The following MACC1 variants were observed in gnomAD, a reference collection of about 807,000 sequenced individuals.
MACC1 encodes MET transcriptional regulator MACC1, also known as metastasis-associated in colon cancer protein 1.
MACC1 carries 79 observed loss-of-function variants against 70.7 expected under a neutral mutation model. The observed-to-expected ratio is 1.12, with a 90% CI of 0.93 to 1.35. MACC1 has a LOEUF of 1.35. Among genes scored for constraint, MACC1 ranks in the 40% most tolerant of loss-of-function variants. The pLI, the probability that MACC1 is intolerant of heterozygous loss-of-function variation, is 0.00. For synonymous variants in MACC1, 361 were observed against 347.2 expected, an observed-to-expected ratio of 1.04 and a Z score of -0.44; for missense variants, 1,106 against 978.1, an observed-to-expected ratio of 1.13 and a Z score of -1.74.
intron 1 of MACC1, among the ~76,000 whole-genome samples, chr7:20,172,369 G>A (rs537437960): frequency 4.1e-4 from 62 of 152,242 alleles, no homozygotes; most frequent in African/African-American, 1.4e-3. Flanking sequence ...TAAGTACGTA[G>A]TCCAACATAA....
rs1019477905 is a variant in MACC1, at chr7:20,137,372, A to C, written c.*3574T>G. The C allele has an allele frequency of 2.6e-5, 4 of 152,232 alleles. No individual in the cohort carries two copies. Among genetic ancestry groups the C allele is most frequent in the African/African-American group, 9.6e-5 (4 of 41,466 alleles). 9.4% of individuals were successfully genotyped at this position (152,232 alleles called of 1,614,324 possible). A position where few individuals can be genotyped will look rare whatever the true frequency, so the allele number is the denominator to read the frequency against. ...GTATGTTCTACATTACAGGCCATGA[A>C]AATGTGCTGTATCCATTTATTAGTA... On this transcript the variant is annotated 3_prime_UTR_variant, in exon 7 of 7. Transcript: ENST00000400331.
chr7:20,142,151 C>T (rs891964224), intron 6 of MACC1: 11 of 152,308 alleles, frequency 7.2e-5, no homozygotes, highest in African/African-American at 2.4e-4. Flanking sequence ...TCATGCAGAA[C>T]TGCCCTTTTA....
chr7:20,151,887 G>C (rs1163319379), intron 6 of MACC1, among the ~76,000 whole-genome samples: 1 of 152,178 alleles, frequency 6.6e-6, no homozygotes, highest in Non-Finnish European at 1.5e-5. Flanking sequence ...GATGGACAGA[G>C]TGTAATGGTT....
intron 1 of MACC1, among the ~76,000 whole-genome samples, chr7:20,171,209 C>T (rs1562590617): frequency 6.6e-6 from 1 of 151,870 alleles, no homozygotes; most frequent in African/African-American, 2.4e-5. Context: ...ATTATTAATG[C>T]TCCACTGATT....
intron 1 of MACC1, among the ~76,000 whole-genome samples, chr7:20,207,857 G>T (rs1181164073): frequency 6.6e-6 from 1 of 152,090 alleles, no homozygotes; most frequent in Non-Finnish European, 1.5e-5. Flanking sequence ...CACTGATATG[G>T]TTTGGCTGTG....
chr7:20,168,332 C>T (rs554344804), intron 2 of MACC1, among the ~76,000 whole-genome samples: 2 of 152,044 alleles, frequency 1.3e-5, no homozygotes, highest in East Asian at 3.9e-4. Flanking sequence ...GTTGGTAGGA[C>T]AACTTCAAAT....
intron 6 of MACC1, chr7:20,153,142 T>C (rs994675723): frequency 6.6e-6 from 1 of 152,220 alleles, no homozygotes; most frequent in African/African-American, 2.4e-5. Context: ...TAAAGAGTCT[T>C]ATTTTGGAGA....
At chr7:20,146,215 G>A (rs765178301) in intron 6 of MACC1, among the ~76,000 whole-genome samples, 1 of 151,540 alleles carries the variant, frequency 6.6e-6, no homozygotes, top group Non-Finnish European at 1.5e-5. Flanking sequence ...TAATCGTCCA[G>A]GTCTCTTCAA....
At chr7:20,152,299 G>A (rs1382275177) in intron 6 of MACC1, among the ~76,000 whole-genome samples, 1 of 152,038 alleles carries the variant, frequency 6.6e-6, no homozygotes, top group Non-Finnish European at 1.5e-5. Flanking sequence ...CTGCCCCAGT[G>A]CACTTCCCTC....
rs370847293 is a variant in MACC1, at chr7:20,134,760, A to G, written c.*6186T>C. ...CATATAAACATTAGGGACATTTAAA[A>G]TCTACTTCCAGTCACAAAAGGGCAG... is the stretch of plus-strand genomic sequence containing the variant. On this transcript the variant is annotated 3_prime_UTR_variant, in exon 7 of 7. Transcript: ENST00000400331. 40 of 152,364 alleles carry G rather than the reference A, an allele frequency of 2.6e-4. No homozygotes were observed. Among genetic ancestry groups the G allele is most frequent in the African/African-American group, 8.9e-4 (37 of 41,590 alleles). The allele number at this position is 152,364 out of a possible 1,614,324, so 9.4% of individuals were successfully genotyped here. A position where few individuals can be genotyped will look rare whatever the true frequency, so the allele number is the denominator to read the frequency against.
At chr7:20,177,557 T>C (rs1438497651) in intron 1 of MACC1, among the ~76,000 whole-genome samples, 1 of 152,112 alleles carries the variant, frequency 6.6e-6, no homozygotes, top group Non-Finnish European at 1.5e-5. Context: ...TTTATCCCTA[T>C]AAGTGCTTTT....
At chr7:20,182,994 G>A (rs139787122) in intron 1 of MACC1, among the ~76,000 whole-genome samples, 1 of 152,286 alleles carries the variant, frequency 6.6e-6, no homozygotes, top group East Asian at 1.9e-4. Flanking sequence ...GAGTGGGGTA[G>A]CCTGAATTCT....
intron 1 of MACC1, among the ~76,000 whole-genome samples, chr7:20,183,457 C>T (rs1272935795): frequency 3.9e-5 from 6 of 152,194 alleles, no homozygotes; most frequent in Admixed American, 3.9e-4. Context: ...ATACCTTCAG[C>T]AGAGGGCCAA....
intron 1 of MACC1, among the ~76,000 whole-genome samples, 159 bp from the exon 2 acceptor site, chr7:20,170,937 C>T (rs923962227): frequency 5.3e-5 from 8 of 152,336 alleles, no homozygotes; most frequent in Admixed American, 4.6e-4. Flanking sequence ...CCAATTCATA[C>T]AGCAGGAATT....
Position 20,137,677 on chromosome 7 carries a change from C to G in MACC1, c.*3269G>C, listed in dbSNP as rs538726748. 5 of 152,110 alleles carry G rather than the reference C, an allele frequency of 3.3e-5. No individual in the cohort carries two copies. Among genetic ancestry groups the G allele is most frequent in the African/African-American group, 1.2e-4 (5 of 41,494 alleles). The allele number at this position is 152,110 out of a possible 1,614,324, so 9.4% of individuals were successfully genotyped here. A position where few individuals can be genotyped will look rare whatever the true frequency, so the allele number is the denominator to read the frequency against. ...TGATGTCAAAGATGGTATATAAGTG[C>G]CTTATTATTTCATTGACTTACTGCC... On this transcript the variant is annotated 3_prime_UTR_variant, in exon 7 of 7. Coordinates refer to ENST00000400331, the MANE Select transcript of MACC1 (RefSeq NM_182762.4).
intron 6 of MACC1, among the ~76,000 whole-genome samples, chr7:20,142,369 T>C (rs1583377060): frequency 6.6e-6 from 1 of 152,212 alleles, no homozygotes; most frequent in African/African-American, 2.4e-5. Context: ...CTGGCATTCC[T>C]GGGAAGCCAT....
In MACC1 at chr7:20,140,425, G is replaced by A. The variant is rs1781779482; in HGVS notation, c.*521C>T. The A allele has an allele frequency of 1.3e-5, 2 of 152,344 alleles. No individual in the cohort carries two copies. The highest frequency in any genetic ancestry group is 6.5e-5 in the Admixed American group (1 of 15,282). 9.4% of individuals were successfully genotyped at this position (152,344 alleles called of 1,614,324 possible). A position where few individuals can be genotyped will look rare whatever the true frequency, so the allele number is the denominator to read the frequency against. On this transcript the variant is annotated 3_prime_UTR_variant, in exon 7 of 7. Coordinates refer to ENST00000400331, the MANE Select transcript of MACC1 (RefSeq NM_182762.4). ...CACTGATGAACTGAAGAGGTCAGGT[G>A]TGGAAAGCGGGCAGCCGTGACTGGC...
chr7:20,146,946 A>G (rs2128100686), intron 6 of MACC1, among the ~76,000 whole-genome samples: 1 of 152,310 alleles, frequency 6.6e-6, no homozygotes, highest in South Asian at 2.1e-4. Context: ...TGATAAAAGC[A>G]CAAAGTTGTT....
At chr7:20,193,970 G>C (rs528379189) in intron 1 of MACC1, among the ~76,000 whole-genome samples, 53 of 152,252 alleles carry the variant, frequency 3.5e-4, no homozygotes, top group Non-Finnish European at 6.8e-4. Context: ...ATGCTAGAAA[G>C]GTAGAGCAGA....
Sources: gnomAD v4.1 joint callset for allele counts (sites outside exome capture counted in the v4.1 genomes callset) on GRCh38, gnomAD v4.1.1 for gene constraint, MANE v1.5 for transcripts, NCBI Gene and HGNC (gene_info 2026-07-23, HGNC 2026-07-21) for gene names.